The following UNC13C variants were observed in gnomAD, a reference collection of about 807,000 sequenced individuals.
UNC13C encodes the protein protein unc-13 homolog C.
In UNC13C, 174 loss-of-function variants were observed where a neutral mutation model predicts 245.4. That is an observed-to-expected ratio of 0.71 (90% CI 0.63 to 0.80). The LOEUF (loss-of-function observed/expected upper bound fraction) is 0.80, where lower values mean the gene tolerates loss of function less well. Ranked by LOEUF, UNC13C falls within the 30% of genes least tolerant of loss-of-function variation. The pLI, the probability that UNC13C is intolerant of heterozygous loss-of-function variation, is 0.00. For synonymous variants in UNC13C, 992 were observed against 895.1 expected (o/e 1.11, Z -1.93); for missense variants, 2,829 against 2,602.9 (o/e 1.09, Z -1.89).
At chr15:54,404,781 A>G (rs549825741) in intron 18 of UNC13C, among the ~76,000 whole-genome samples, 1 of 152,296 alleles carries the variant, frequency 6.6e-6, no homozygotes, top group East Asian at 1.9e-4. Context: ...TTTTGCTTCT[A>G]TCACAGTTAG....
chr15:54,386,625 T>G (rs1455953660), intron 17 of UNC13C, among the ~76,000 whole-genome samples: 1 of 152,198 alleles, frequency 6.6e-6, no homozygotes, highest in Non-Finnish European at 1.5e-5. Flanking sequence ...CTGCAAAGGT[T>G]GTGATTTGGC....
chr15:54,132,271 C>A (rs2031479496), intron 2 of UNC13C, among the ~76,000 whole-genome samples: 1 of 151,854 alleles, frequency 6.6e-6, no homozygotes, highest in South Asian at 2.1e-4. Context: ...GGGGTTTCAC[C>A]ATGTTAGCCA....
the UNC13C span, among the ~76,000 whole-genome samples, chr15:53,841,851 C>T: frequency 1.3e-5 from 2 of 152,156 alleles, no homozygotes; most frequent in East Asian, 1.9e-4. Flanking sequence ...TCTTCAGTTA[C>T]TGTTGCCATG....
chr15:54,467,982 A>G (rs560401970), intron 19 of UNC13C, among the ~76,000 whole-genome samples: 2 of 151,684 alleles, frequency 1.3e-5, no homozygotes, highest in Non-Finnish European at 1.5e-5. Context: ...TACACCCAGA[A>G]GTGGGATTGC....
At chr15:53,963,488 C>T in the UNC13C span, among the ~76,000 whole-genome samples, 2 of 152,126 alleles carry the variant, frequency 1.3e-5, no homozygotes, top group African/African-American at 4.8e-5. Context: ...GAAAAGGGTA[C>T]CTGCCTCATT....
chr15:54,469,975 G>T (rs73419696), intron 19 of UNC13C, among the ~76,000 whole-genome samples: 15,491 of 151,486 alleles, frequency 0.1, 1,136 homozygotes, highest in African/African-American at 0.21. Flanking sequence ...ATAAAGTGAT[G>T]TTTAATTTTA....
intron 4 of UNC13C, among the ~76,000 whole-genome samples, chr15:54,179,975 A>G (rs1044105166): frequency 6.6e-6 from 1 of 152,106 alleles, no homozygotes; most frequent in African/African-American, 2.4e-5. Context: ...GAGAAAATAA[A>G]ATGATATCTT....
chr15:54,468,824 A>C (rs1596437047), intron 19 of UNC13C, among the ~76,000 whole-genome samples: 1 of 151,616 alleles, frequency 6.6e-6, no homozygotes, highest in East Asian at 1.9e-4. Context: ...TTTTATGTCA[A>C]TACTATGCAC....
intron 17 of UNC13C, among the ~76,000 whole-genome samples, chr15:54,345,135 A>G (rs2038831669): frequency 6.6e-6 from 1 of 152,204 alleles, no homozygotes. Flanking sequence ...TGGAGAGCCA[A>G]TGAAGAGTTG....
At chr15:54,400,734 T>C (rs555712434) in intron 18 of UNC13C, among the ~76,000 whole-genome samples, 78 of 152,290 alleles carry the variant, frequency 5.1e-4, no homozygotes, top group African/African-American at 1.8e-3. Flanking sequence ...TTATTAGGGA[T>C]GACAAAACGG....
At chr15:54,066,982 A>G (rs576046896) in intron 2 of UNC13C, among the ~76,000 whole-genome samples, 6 of 152,142 alleles carry the variant, frequency 3.9e-5, no homozygotes, top group Non-Finnish European at 8.8e-5. Context: ...CCAATGCAGG[A>G]TGTTACCACA....
chr15:54,549,828 G>T, intron 28 of UNC13C, 137 bp downstream of exon 28: 2 of 587,256 alleles, frequency 3.4e-6, no homozygotes, highest in Non-Finnish European at 5.9e-6. Context: ...ATCTGCTTTA[G>T]GAATTTTTAA....
chr15:54,222,959 G>A (rs1303478874), intron 4 of UNC13C, among the ~76,000 whole-genome samples: 4 of 151,748 alleles, frequency 2.6e-5, no homozygotes, highest in Admixed American at 2.6e-4. Context: ...TTTCTATAGA[G>A]TTGTTTGGGC....
the UNC13C span, among the ~76,000 whole-genome samples, chr15:53,922,898 A>C: frequency 3.3e-5 from 5 of 152,222 alleles, no homozygotes; most frequent in African/African-American, 1.2e-4. Flanking sequence ...TATTTTGAGA[A>C]TATAAGTATT....
At chr15:54,185,038 ATG>A (rs1341758808) in intron 4 of UNC13C, among the ~76,000 whole-genome samples, 4 of 152,040 alleles carry the variant, frequency 2.6e-5, no homozygotes, top group Admixed American at 2.6e-4. Flanking sequence ...GCATTTTTTC[ATG>A]TGTTTTTTGG....
intron 2 of UNC13C, among the ~76,000 whole-genome samples, chr15:54,030,924 T>C (rs553075576): frequency 6.6e-6 from 1 of 152,314 alleles, no homozygotes; most frequent in Admixed American, 6.5e-5. Context: ...TACTGTTGCA[T>C]TTGGAATTAA....
At chr15:54,392,936 TAA>T in intron 17 of UNC13C, 110 bp from the exon 18 acceptor site, 1 of 1,289,824 alleles carries the variant, frequency 7.8e-7, no homozygotes, top group East Asian at 2.6e-5. Context: ...TCCCATAATC[TAA>T]GTTTCATTTC....
intron 17 of UNC13C, among the ~76,000 whole-genome samples, chr15:54,380,987 TG>T (rs1229170105): frequency 6.6e-6 from 1 of 152,174 alleles, no homozygotes; most frequent in Non-Finnish European, 1.5e-5. Context: ...TGTTTATTTT[TG>T]CCTTTGTTTC....
chr15:54,438,704 T>A (rs1486170734), intron 19 of UNC13C, among the ~76,000 whole-genome samples: 1 of 151,978 alleles, frequency 6.6e-6, no homozygotes, highest in Non-Finnish European at 1.5e-5. Context: ...TCTAGAGAGC[T>A]GGTGGTGAGG....
Sources: gnomAD v4.1 joint callset for allele counts (sites outside exome capture counted in the v4.1 genomes callset) on GRCh38, gnomAD v4.1.1 for gene constraint, MANE v1.5 for transcripts, NCBI Gene and HGNC (gene_info 2026-07-23, HGNC 2026-07-21) for gene names.